CPA3: variants seen among roughly 807,000 people sequenced by gnomAD.
CPA3 encodes mast cell carboxypeptidase A.
Under a neutral mutation model 55.8 loss-of-function variants are expected in CPA3, and 52 were observed. That is an observed-to-expected ratio of 0.93 (90% CI 0.75 to 1.17). The LOEUF (loss-of-function observed/expected upper bound fraction) is 1.17. Among genes scored for constraint, CPA3 ranks in the 50% most tolerant of loss-of-function variants. The pLI is 0.00. For synonymous variants in CPA3, 179 were observed against 171.2 expected (o/e 1.05, Z -0.36); for missense variants, 547 against 509.1 (o/e 1.07, Z -0.72).
chr3:148,869,489 A>C (rs1369743517), intron 3 of CPA3, among the ~76,000 whole-genome samples: 3 of 152,220 alleles, frequency 2.0e-5, no homozygotes, highest in Non-Finnish European at 4.4e-5. Flanking sequence ...TATGTCAGAA[A>C]TACAGCAATT....
At chr3:148,885,600 CG>C (rs1418249781) in intron 9 of CPA3, among the ~76,000 whole-genome samples, 2 of 151,518 alleles carry the variant, frequency 1.3e-5, no homozygotes, top group East Asian at 2.0e-4. Context: ...TTAGTAGAGA[CG>C]GGGTTTCACC....
At chr3:148,892,856 T>TAGTCCCAGCTACTTGGGAGGCTG (rs58822169) in intron 10 of CPA3, among the ~76,000 whole-genome samples, 2 of 151,016 alleles carry the variant, frequency 1.3e-5, no homozygotes, top group Admixed American at 6.6e-5. Flanking sequence ...CAGGCGCCTG[T>TAGTCCCAGCTACTTGGGAGGCTG]AGAGAGGAGA....
In CPA3 at chr3:148,896,772, T is replaced by C. The variant is rs967036273; in HGVS notation, c.*65T>C. ...TTTGTGCCTTTCATCAGAAAGTCAA[T>C]CTTCAGTTATCCCCAAATGCAGCTT... On this transcript the variant is annotated 3_prime_UTR_variant, in exon 11 of 11. Coordinates refer to ENST00000296046, the MANE Select transcript of CPA3 (RefSeq NM_001870.4). 2 of 1,283,492 alleles carry C rather than the reference T, an allele frequency of 1.6e-6. No homozygotes were observed. The highest frequency in any genetic ancestry group is 1.5e-5 in the African/African-American group (1 of 68,254). 79.5% of individuals were successfully genotyped at this position (1,283,492 alleles called of 1,614,324 possible). A position where few individuals can be genotyped will look rare whatever the true frequency, so the allele number is the denominator to read the frequency against.
chr3:148,892,273 T>C (rs1177918262), intron 10 of CPA3, among the ~76,000 whole-genome samples: 3 of 152,206 alleles, frequency 2.0e-5, no homozygotes, highest in Non-Finnish European at 4.4e-5. Flanking sequence ...CTGGAATCCC[T>C]CATTTGTTAC....
At chr3:148,873,376 C>T (rs12488763) in intron 3 of CPA3, among the ~76,000 whole-genome samples, 6,361 of 128,484 alleles carry the variant, frequency 0.05, 173 homozygotes, top group East Asian at 0.12. Flanking sequence ...CGCGCACACG[C>T]GCACACACAC....
At chr3:148,867,650 A>G (rs759778298) in intron 2 of CPA3, among the ~76,000 whole-genome samples, 12 of 152,178 alleles carry the variant, frequency 7.9e-5, no homozygotes, top group Non-Finnish European at 1.3e-4. Context: ...TAGCTTTTTG[A>G]TCAAAATAAA....
intron 3 of CPA3, among the ~76,000 whole-genome samples, chr3:148,875,231 C>T (rs1714174027): frequency 6.6e-6 from 1 of 151,926 alleles, no homozygotes; most frequent in Non-Finnish European, 1.5e-5. Flanking sequence ...GGACTCACTG[C>T]TAACAGCAGA....
At chr3:148,886,048 T>C in intron 9 of CPA3, 45 bp from the exon 10 acceptor site, 1 of 1,327,180 alleles carries the variant, frequency 7.5e-7, no homozygotes, top group Non-Finnish European at 1.1e-6. Flanking sequence ...CCTTGGTATT[T>C]ACACAGTATC....
At chr3:148,880,836 T>C (rs1261644768) in intron 6 of CPA3, among the ~76,000 whole-genome samples, 1 of 152,158 alleles carries the variant, frequency 6.6e-6, no homozygotes, top group African/African-American at 2.4e-5. Flanking sequence ...AAGTGACCTG[T>C]AGTTACTTTT....
At chr3:148,876,877 A>T (rs1714219653) in intron 3 of CPA3, among the ~76,000 whole-genome samples, 2 of 152,224 alleles carry the variant, frequency 1.3e-5, no homozygotes, top group South Asian at 4.1e-4. Context: ...GACATTTTTT[A>T]AAAATAAATC....
intron 2 of CPA3, among the ~76,000 whole-genome samples, chr3:148,866,894 T>A (rs780022982): frequency 6.6e-6 from 1 of 152,124 alleles, no homozygotes; most frequent in African/African-American, 2.4e-5. Context: ...TTAGCTGGGA[T>A]TACAGGTGCC....
chr3:148,885,954 T>C (rs1426980813), intron 9 of CPA3, 139 bp from the exon 10 acceptor site: 4 of 653,018 alleles, frequency 6.1e-6, no homozygotes, highest in Non-Finnish European at 8.0e-6. Context: ...GTTATGAGTC[T>C]TGAAACTAAA....
At chr3:148,875,230 G>A in intron 3 of CPA3, among the ~76,000 whole-genome samples, 1 of 152,038 alleles carries the variant, frequency 6.6e-6, no homozygotes, top group Non-Finnish European at 1.5e-5. Flanking sequence ...AGGACTCACT[G>A]CTAACAGCAG....
chr3:148,873,221 G>T (rs570827178), intron 3 of CPA3, among the ~76,000 whole-genome samples: 15 of 152,298 alleles, frequency 9.8e-5, no homozygotes, highest in African/African-American at 3.1e-4. Context: ...GGGGGATATT[G>T]AATCTTAGGG....
intron 3 of CPA3, 32 bp downstream of exon 3, chr3:148,869,071 G>C (rs556361851): frequency 1.2e-6 from 2 of 1,604,648 alleles, no homozygotes; most frequent in Non-Finnish European, 8.5e-7. Context: ...AAATTTGTTG[G>C]ATATTCAAAG....
At chr3:148,867,845 T>A (rs1713946449) in intron 2 of CPA3, among the ~76,000 whole-genome samples, 1 of 152,192 alleles carries the variant, frequency 6.6e-6, no homozygotes. Context: ...TGAGTATGAT[T>A]TTGAAGAACC....
At chr3:148,883,589 C>T in intron 8 of CPA3, 24 bp from the exon 9 acceptor site, 1 of 1,598,682 alleles carries the variant, frequency 6.3e-7, no homozygotes, top group Non-Finnish European at 8.6e-7. Flanking sequence ...AGACTGTGGT[C>T]TCATCCACCT....
At chr3:148,880,965 G>T (rs181466593) in intron 6 of CPA3, among the ~76,000 whole-genome samples, 1 of 152,092 alleles carries the variant, frequency 6.6e-6, no homozygotes, top group Admixed American at 6.6e-5. Flanking sequence ...TCCCAAGAGT[G>T]GTGAGAGAGA....
chr3:148,896,628 C>T lies in CPA3; in HGVS notation c.1175C>T (p.Ser392Phe), dbSNP rs1304514609. The change falls in exon 11 of 11, where the codon TCC becomes TTC. Residue 392 changes from serine to phenylalanine, a missense_variant. Ser to Phe is a radical substitution (Grantham distance 155). Transcript: ENST00000296046. ...AAATTTGGTTTTCTCCTTCCAGAATCCCGGATAAAGCCAACGTGCAGAGAG... is the reference window on the plus strand; with the variant it reads ...AAATTTGGTTTTCTCCTTCCAGAATTCCGGATAAAGCCAACGTGCAGAGAG... ...KGKFGFLLPE[S>F]RIKPTCRETM... The T allele has an allele frequency of 2.5e-6, 4 of 1,591,658 alleles. No individual in the cohort carries two copies. Among genetic ancestry groups the T allele is most frequent in the Non-Finnish European group, 3.4e-6 (4 of 1,163,048 alleles).
Sources: gnomAD v4.1 joint callset for allele counts (sites outside exome capture counted in the v4.1 genomes callset) on GRCh38, gnomAD v4.1.1 for gene constraint, MANE v1.5 for transcripts, NCBI Gene and HGNC (gene_info 2026-07-23, HGNC 2026-07-21) for gene names.